The following SNTB2 variants were observed in gnomAD, a reference collection of about 807,000 sequenced individuals.
SNTB2 encodes the protein syntrophin beta 2, also known as beta-2-syntrophin.
SNTB2 carries 34 observed loss-of-function variants against 46.2 expected under a neutral mutation model. That is an observed-to-expected ratio of 0.74 (90% CI 0.56 to 0.98). The LOEUF is 0.98. Ranked by LOEUF, SNTB2 falls within the 50% of genes least tolerant of loss-of-function variation. The pLI, the probability that SNTB2 is intolerant of heterozygous loss-of-function variation, is 0.00. For synonymous variants in SNTB2, 290 were observed against 312.6 expected, an observed-to-expected ratio of 0.93 and a Z score of 0.76; for missense variants, 603 against 731.4, an observed-to-expected ratio of 0.82 and a Z score of 2.02.
At position 69,245,811 on chromosome 16, in the gene SNTB2, A is replaced by G. The variant is rs565421257; in HGVS notation, c.790A>G (p.Asn264Asp). 1.9e-6 allele frequency: 3 copies of G among 1,613,980 alleles called. No individual in the cohort carries two copies. The highest frequency in any genetic ancestry group is 2.2e-5 in the East Asian group (1 of 44,872). The change falls in exon 2 of 7, where the codon AAC becomes GAC. Residue 264 changes from asparagine (N) to aspartate (D), a missense_variant. By Grantham distance (23) the Asn-to-Asp change is conservative. This residue lies in a region of SNTB2 where 537 missense variants were observed against 692.4 expected (regional missense o/e 0.78). Coordinates refer to ENST00000336278, the MANE Select transcript of SNTB2 (RefSeq NM_006750.4). ...ARNLSMPDLENRLIELHSPDS... is the reference protein window; with the variant it reads ...ARNLSMPDLEDRLIELHSPDS... ...AAACCTAAGCATGCCGGATCTGGAA[A>G]ACAGGTGAGGTGTACCTAACAAGAA...
At chr16:69,220,313 C>T (rs1015045786) in intron 1 of SNTB2, among the ~76,000 whole-genome samples, 1 of 151,390 alleles carries the variant, frequency 6.6e-6, no homozygotes, top group Admixed American at 6.6e-5. Context: ...AGGCGCCCGC[C>T]ACCACACCCG....
At chr16:69,276,609 T>C (rs548750843) in intron 4 of SNTB2, among the ~76,000 whole-genome samples, 1 of 152,358 alleles carries the variant, frequency 6.6e-6, no homozygotes, top group African/African-American at 2.4e-5. Context: ...AATTGGCATG[T>C]TGGTTTTTTG....
chr16:69,228,846 G>A (rs1964481708), intron 1 of SNTB2, among the ~76,000 whole-genome samples: 1 of 152,088 alleles, frequency 6.6e-6, no homozygotes, highest in South Asian at 2.1e-4. Flanking sequence ...ATTATGTTTT[G>A]CAAATGAGAA....
At chr16:69,269,533 T>C (rs1357858553) in intron 3 of SNTB2, among the ~76,000 whole-genome samples, 1 of 152,002 alleles carries the variant, frequency 6.6e-6, no homozygotes, top group Admixed American at 6.6e-5. Flanking sequence ...AAAAGATAGA[T>C]GTTAACAGAT....
At chr16:69,298,677 A>G (rs1045380421) in intron 5 of SNTB2, among the ~76,000 whole-genome samples, 53 of 151,744 alleles carry the variant, frequency 3.5e-4, no homozygotes, top group African/African-American at 1.1e-3. Context: ...ATGTGCCACC[A>G]TGGCTGGCTA....
At chr16:69,276,219 G>A (rs902596222) in intron 4 of SNTB2, among the ~76,000 whole-genome samples, 1 of 151,336 alleles carries the variant, frequency 6.6e-6, no homozygotes, top group Non-Finnish European at 1.5e-5. Context: ...AAAAAAAAGT[G>A]TGGTGACTTT....
intron 1 of SNTB2, among the ~76,000 whole-genome samples, chr16:69,223,548 T>C (rs1455495475): frequency 6.6e-6 from 1 of 152,074 alleles, no homozygotes; most frequent in Non-Finnish European, 1.5e-5. Flanking sequence ...TCACCCATTT[T>C]TCCAGTAATG....
At position 69,303,920 on chromosome 16, in the gene SNTB2, G is replaced by T. The variant is rs899391917; in HGVS notation, c.*2996G>T. On this transcript the variant is annotated 3_prime_UTR_variant, in exon 7 of 7. Transcript: ENST00000336278. ...AAGAAAATTGTTGAGGATGTGGTGG[G>T]TTCCAGTGTGTGGAATGGAAAGGAA... 6.6e-6 allele frequency: 1 copy of T among 152,140 alleles called. No homozygotes were observed. The highest frequency in any genetic ancestry group is 2.4e-5 in the African/African-American group (1 of 41,420). The allele number at this position is 152,140 out of a possible 1,614,324, so 9.4% of individuals were successfully genotyped here.
chr16:69,257,521 A>G (rs1964790514), intron 2 of SNTB2, among the ~76,000 whole-genome samples: 1 of 151,658 alleles, frequency 6.6e-6, no homozygotes, highest in Non-Finnish European at 1.5e-5. Flanking sequence ...ATCTCGGCTC[A>G]CTGCAAGCTC....
At chr16:69,278,862 T>C (rs1965007450) in intron 4 of SNTB2, among the ~76,000 whole-genome samples, 1 of 151,452 alleles carries the variant, frequency 6.6e-6, no homozygotes, top group Admixed American at 6.6e-5. Flanking sequence ...GGTTGGTTAT[T>C]GTTTATTGAT....
At chr16:69,290,943 A>G (rs553602181) in intron 5 of SNTB2, among the ~76,000 whole-genome samples, 44 of 152,362 alleles carry the variant, frequency 2.9e-4, no homozygotes, top group African/African-American at 1.0e-3. Context: ...AGGATATACA[A>G]TATCAGTCTA....
intron 1 of SNTB2, among the ~76,000 whole-genome samples, chr16:69,214,058 C>CAG (rs1964319012): frequency 6.8e-6 from 1 of 146,006 alleles, no homozygotes; most frequent in African/African-American, 2.5e-5. Context: ...CTCCTGACCT[C>CAG]GTGATCCACC....
intron 4 of SNTB2, among the ~76,000 whole-genome samples, chr16:69,278,350 G>A (rs1965001576): frequency 6.6e-6 from 1 of 151,380 alleles, no homozygotes; most frequent in Non-Finnish European, 1.5e-5. Flanking sequence ...AATATAAAAA[G>A]TGAATAGATT....
chr16:69,209,409 G>A (rs1439513391), intron 1 of SNTB2, among the ~76,000 whole-genome samples: 1 of 152,046 alleles, frequency 6.6e-6, no homozygotes, highest in Non-Finnish European at 1.5e-5. Flanking sequence ...TATAAGCTTG[G>A]TATGTTTAAT....
intron 1 of SNTB2, among the ~76,000 whole-genome samples, chr16:69,215,810 C>T (rs942472856): frequency 2.6e-5 from 4 of 152,000 alleles, no homozygotes; most frequent in African/African-American, 9.7e-5. Context: ...AGAGGTTTTT[C>T]TTTTGTTTTT....
At chr16:69,274,896 C>T (rs1027932445) in intron 4 of SNTB2, among the ~76,000 whole-genome samples, 1 of 152,126 alleles carries the variant, frequency 6.6e-6, no homozygotes, top group African/African-American at 2.4e-5. Flanking sequence ...CAAACATGCT[C>T]ATACATGCAA....
intron 5 of SNTB2, among the ~76,000 whole-genome samples, chr16:69,285,726 A>G (rs1433353816): frequency 6.7e-6 from 1 of 149,690 alleles, no homozygotes; most frequent in Non-Finnish European, 1.5e-5. Context: ...CTTGGCCTCA[A>G]GAGATCCTCC....
At chr16:69,297,587 G>C (rs1024387325) in intron 5 of SNTB2, among the ~76,000 whole-genome samples, 2 of 148,390 alleles carry the variant, frequency 1.3e-5, no homozygotes, top group East Asian at 4.0e-4. Flanking sequence ...CACTGCACCA[G>C]CCTGGGAGAC....
At chr16:69,299,277 G>A (rs1337311515) in intron 5 of SNTB2, among the ~76,000 whole-genome samples, 1 of 151,824 alleles carries the variant, frequency 6.6e-6, no homozygotes, top group Non-Finnish European at 1.5e-5. Flanking sequence ...TGAGTAGCTG[G>A]GATTACAGGC....
Sources: allele counts gnomAD v4.1 joint callset (sites outside exome capture counted in the v4.1 genomes callset), GRCh38; gene constraint gnomAD v4.1.1; regional missense constraint gnomAD v4.1.1; transcripts MANE v1.5; gene names NCBI Gene and HGNC (gene_info 2026-07-23, HGNC 2026-07-21).